The following ALKAL1 variants were observed in gnomAD, a reference collection of about 807,000 sequenced individuals.
ALKAL1 encodes ALK and LTK ligand 1, also known as AUG-beta.
Under a neutral mutation model 13.5 loss-of-function variants are expected in ALKAL1, and 23 were observed. The ratio of observed to expected loss-of-function variants is 1.70; its 90% CI spans 1.23 to 2.41. The LOEUF is 2.41. Among genes scored for constraint, ALKAL1 ranks in the 30% most tolerant of loss-of-function variants. ALKAL1 has a pLI of 0.00. For synonymous variants in ALKAL1, 85 were observed against 77.7 expected (o/e 1.09, Z -0.49); for missense variants, 181 against 178.4 (o/e 1.01, Z -0.08).
chr8:52,543,487 G>A (rs2150344534), intron 1 of ALKAL1, among the ~76,000 whole-genome samples: 1 of 152,246 alleles, frequency 6.6e-6, no homozygotes, highest in East Asian at 1.9e-4. Flanking sequence ...GTTCAGGGCA[G>A]CCTTATGTGA....
chr8:52,534,385 ACT>A lies in ALKAL1; in HGVS notation c.*226_*227del, dbSNP rs1052764285. 15 of 370,810 alleles carry A rather than the reference ACT, an allele frequency of 4.0e-5. No homozygotes were observed. Among genetic ancestry groups the A allele is most frequent in the Admixed American group, 2.7e-4 (6 of 22,148 alleles). The allele number at this position is 370,810 out of a possible 1,614,324, so 23.0% of individuals were successfully genotyped here. ...ATCTAATTTTCAATATGCGATTCAA[ACT>A]CTGTTTTACAAAATTATAAATTACT... On this transcript the variant is annotated 3_prime_UTR_variant, in exon 5 of 5. Coordinates refer to ENST00000358543, the MANE Select transcript of ALKAL1 (RefSeq NM_207413.4).
intron 1 of ALKAL1, among the ~76,000 whole-genome samples, chr8:52,554,201 G>A (rs538800348): frequency 6.6e-6 from 1 of 152,302 alleles, no homozygotes; most frequent in South Asian, 2.1e-4. Context: ...TCCAGCCTGG[G>A]CAACAAGAGT....
chr8:52,551,496 A>AG (rs1283190780), intron 1 of ALKAL1, among the ~76,000 whole-genome samples: 17 of 149,132 alleles, frequency 1.1e-4, no homozygotes, highest in South Asian at 4.2e-4. Context: ...TTTGTAGAGA[A>AG]GGGGGTCTTA....
intron 1 of ALKAL1, among the ~76,000 whole-genome samples, chr8:52,558,952 A>G (rs1590870709): frequency 6.6e-6 from 1 of 151,864 alleles, no homozygotes; most frequent in African/African-American, 2.4e-5. Flanking sequence ...CTCATGATGG[A>G]AAGTGAAGGG....
chr8:52,539,987 G>A (rs1847297650), intron 2 of ALKAL1, 76 bp from the exon 3 acceptor site: 2 of 1,273,842 alleles, frequency 1.6e-6, no homozygotes, highest in Admixed American at 3.7e-5. Flanking sequence ...CTTTATGGGT[G>A]GATATAATAC....
chr8:52,547,756 G>A (rs1190276862), intron 1 of ALKAL1, among the ~76,000 whole-genome samples: 1 of 152,202 alleles, frequency 6.6e-6, no homozygotes, highest in Admixed American at 6.5e-5. Flanking sequence ...GGGAGGATGA[G>A]GCTGGAGGAT....
chr8:52,554,514 A>AG (rs1654894635), intron 1 of ALKAL1, among the ~76,000 whole-genome samples: 1 of 152,248 alleles, frequency 6.6e-6, no homozygotes, highest in African/African-American at 2.4e-5. Context: ...TACTTTGACC[A>AG]GAAATAAAGA....
At position 52,542,458 on chromosome 8, in the gene ALKAL1, A is replaced by G. The variant is rs1277701542; in HGVS notation, c.191-13T>C. ...CTTGGGAATATTTCTGAAAAGAAAA[A>G]AAAAACCATCAGAATTTATTGAATG... On this transcript the variant is annotated splice_polypyrimidine_tract_variant and intron_variant, in intron 1 of 4. Coordinates refer to ENST00000358543, the MANE Select transcript of ALKAL1 (RefSeq NM_207413.4). 1 of 1,470,190 alleles carries G rather than the reference A, an allele frequency of 6.8e-7. No individual in the cohort carries two copies. Among genetic ancestry groups the G allele is most frequent in the Non-Finnish European group, 9.4e-7 (1 of 1,068,380 alleles). 91.1% of individuals were successfully genotyped at this position (1,470,190 alleles called of 1,614,324 possible). A position where few individuals can be genotyped will look rare whatever the true frequency, so the allele number is the denominator to read the frequency against.
rs545770518 is a variant in ALKAL1, at chr8:52,544,171, T to C, written c.191-1726A>G. Among the ~76,000 whole-genome samples, 27 of 151,748 alleles carry C rather than the reference T, an allele frequency of 1.8e-4. 2 individuals carry two copies. Among genetic ancestry groups the C allele is most frequent in the African/African-American group, 6.5e-4 (27 of 41,390 alleles). Reference sequence around the variant, plus strand: ...TTCAAGGAATAGGAAGCCAAGAGGGTTGCTACCGCTCAAATGGAAACATCA... The same window carrying C: ...TTCAAGGAATAGGAAGCCAAGAGGGCTGCTACCGCTCAAATGGAAACATCA... On this transcript the variant is annotated intron_variant, in intron 1 of 4. Transcript: ENST00000358543.
intron 1 of ALKAL1, among the ~76,000 whole-genome samples, chr8:52,560,547 A>T (rs966436829): frequency 6.6e-6 from 1 of 152,240 alleles, no homozygotes; most frequent in Admixed American, 6.5e-5. Context: ...AATTGTTTTA[A>T]TCCTAGGTTT....
chr8:52,562,134 C>A (rs1468039169), intron 1 of ALKAL1, among the ~76,000 whole-genome samples: 1 of 151,970 alleles, frequency 6.6e-6, no homozygotes, highest in Non-Finnish European at 1.5e-5. Flanking sequence ...TGACCAAAGA[C>A]AAAGGGAGGA....
intron 1 of ALKAL1, among the ~76,000 whole-genome samples, chr8:52,542,812 CT>C (rs914107721): frequency 6.6e-6 from 1 of 152,208 alleles, no homozygotes; most frequent in Non-Finnish European, 1.5e-5. Context: ...GCTTGACTTC[CT>C]TTTTCCCTCA....
At chr8:52,556,529 C>A (rs1847483247) in intron 1 of ALKAL1, among the ~76,000 whole-genome samples, 1 of 151,468 alleles carries the variant, frequency 6.6e-6, no homozygotes, top group African/African-American at 2.4e-5. Context: ...CGCCTGTAGT[C>A]CCAGCTACAC....
intron 1 of ALKAL1, among the ~76,000 whole-genome samples, chr8:52,563,306 C>T (rs1847569654): frequency 6.6e-6 from 1 of 152,094 alleles, no homozygotes; most frequent in Non-Finnish European, 1.5e-5. Flanking sequence ...GGTGGTGCGC[C>T]TGTAATCCTA....
chr8:52,553,477 C>G (rs1847449853), intron 1 of ALKAL1, among the ~76,000 whole-genome samples: 1 of 152,182 alleles, frequency 6.6e-6, no homozygotes. Flanking sequence ...CAACTGTGCC[C>G]TATGTCCTCT....
At position 52,565,245 on chromosome 8, in the gene ALKAL1, A is replaced by C; in HGVS notation, c.12T>G (p.Leu4=). 3 of 1,316,154 alleles carry C rather than the reference A, an allele frequency of 2.3e-6. No homozygotes were observed. Among genetic ancestry groups the C allele is most frequent in the Non-Finnish European group, 2.9e-6 (3 of 1,025,798 alleles). 81.5% of individuals were successfully genotyped at this position (1,316,154 alleles called of 1,614,324 possible). MRP[L]KPGAPLPALF... is the part of the protein sequence containing the mutation. ...GTGCGGGCAAAGGGGCGCCGGGCTTAAGGGGCCGCATGTTCGCAAGCCGGG... is the reference window on the plus strand; with the variant it reads ...GTGCGGGCAAAGGGGCGCCGGGCTTCAGGGGCCGCATGTTCGCAAGCCGGG... The change falls in exon 1 of 5, where the codon CTT becomes CTG. Residue 4 remains leucine, a synonymous_variant. Coordinates refer to ENST00000358543, the MANE Select transcript of ALKAL1 (RefSeq NM_207413.4).
At chr8:52,542,188 T>C (rs1847320364) in intron 2 of ALKAL1, among the ~76,000 whole-genome samples, 1 of 152,218 alleles carries the variant, frequency 6.6e-6, no homozygotes, top group South Asian at 2.1e-4. Flanking sequence ...CTGTGTATCC[T>C]TAAAAAGTGG....
intron 1 of ALKAL1, among the ~76,000 whole-genome samples, chr8:52,563,516 T>C (rs1847571432): frequency 6.6e-6 from 1 of 152,246 alleles, no homozygotes; most frequent in Non-Finnish European, 1.5e-5. Context: ...AAAAGATCTG[T>C]TGAATGAAAC....
chr8:52,537,596 G>A (rs1233487390), intron 4 of ALKAL1, among the ~76,000 whole-genome samples: 1 of 152,042 alleles, frequency 6.6e-6, no homozygotes, highest in African/African-American at 2.4e-5. Context: ...ATGGATGAAT[G>A]GATAAAGAAA....
Sources: gnomAD v4.1 joint callset for allele counts (sites outside exome capture counted in the v4.1 genomes callset) on GRCh38, gnomAD v4.1.1 for gene constraint, MANE v1.5 for transcripts, NCBI Gene and HGNC (gene_info 2026-07-23, HGNC 2026-07-21) for gene names.